Variants in PYGO1 observed in about 807,000 individuals in gnomAD.
PYGO1 encodes pygopus family PHD finger 1.
In PYGO1, 6 loss-of-function variants were observed where a neutral mutation model predicts 29.5. The ratio of observed to expected loss-of-function variants is 0.20; its 90% CI spans 0.11 to 0.40. The LOEUF (loss-of-function observed/expected upper bound fraction) is 0.40, where lower values mean the gene tolerates loss of function less well. Among genes scored for constraint, PYGO1 ranks in the 10% least tolerant of loss-of-function variants. PYGO1 has a pLI of 1.00. For synonymous variants in PYGO1, 186 were observed against 180.5 expected (o/e 1.03, Z -0.24); for missense variants, 515 against 514.9 (o/e 1.00, Z 0.00).
intron 1 of PYGO1, among the ~76,000 whole-genome samples, chr15:55,554,882 C>T (rs960989584): frequency 7.2e-5 from 11 of 152,110 alleles, no homozygotes; most frequent in African/African-American, 1.9e-4. Flanking sequence ...AAATCTACAA[C>T]TCATTGGTTT....
intron 1 of PYGO1, among the ~76,000 whole-genome samples, chr15:55,580,153 T>C (rs1436484406): frequency 1.3e-5 from 2 of 152,204 alleles, no homozygotes; most frequent in Non-Finnish European, 2.9e-5. Context: ...GGCAAACTTT[T>C]AGCCAAAAAA....
chr15:55,581,918 A>T (rs1249195278), intron 1 of PYGO1, among the ~76,000 whole-genome samples: 2 of 152,194 alleles, frequency 1.3e-5, no homozygotes, highest in African/African-American at 4.8e-5. Flanking sequence ...TCAAAACATT[A>T]AGGAGAGGCC....
chr15:55,572,897 G>A (rs965920905), intron 1 of PYGO1, among the ~76,000 whole-genome samples: 4 of 151,930 alleles, frequency 2.6e-5, no homozygotes, highest in Non-Finnish European at 5.9e-5. Flanking sequence ...ATAAAGCCAG[G>A]TGTGGTAGCT....
intron 1 of PYGO1, among the ~76,000 whole-genome samples, chr15:55,552,418 G>T (rs1428270835): frequency 6.7e-6 from 1 of 149,000 alleles, no homozygotes; most frequent in East Asian, 2.0e-4. Context: ...CTCTCAGGGA[G>T]AAGAATGAAA....
Position 55,564,947 on chromosome 15 carries a change from T to C in PYGO1, c.50-15952A>G, listed in dbSNP as rs146175649. Among the ~76,000 whole-genome samples, 7 of 152,320 alleles carry C rather than the reference T, an allele frequency of 4.6e-5. No homozygotes were observed. The East Asian group carries it at 1.2e-3, about 25-fold the overall frequency. On this transcript the variant is annotated intron_variant, in intron 1 of 2. Coordinates refer to ENST00000563719, the MANE Select transcript of PYGO1 (RefSeq NM_001367806.1). Reference sequence around the variant, plus strand: ...TTGTAGGATTAACATCCTACTTTCCTTGCTGGCTGTCAGCTCTTATCTCCT... The same window carrying C: ...TTGTAGGATTAACATCCTACTTTCCCTGCTGGCTGTCAGCTCTTATCTCCT...
intron 1 of PYGO1, among the ~76,000 whole-genome samples, chr15:55,568,668 C>T (rs1211202624): frequency 6.6e-6 from 1 of 151,974 alleles, no homozygotes; most frequent in African/African-American, 2.4e-5. Context: ...TGTCTTGTTC[C>T]AGTTCTCAGG....
At chr15:55,583,057 C>G (rs2059031737) in intron 1 of PYGO1, among the ~76,000 whole-genome samples, 1 of 152,042 alleles carries the variant, frequency 6.6e-6, no homozygotes, top group Non-Finnish European at 1.5e-5. Flanking sequence ...AATAAATGCC[C>G]TTGACTTCCT....
chr15:55,588,965 G>A (rs1240897663), upstream of PYGO1: 34 of 773,972 alleles, frequency 4.4e-5, no homozygotes, highest in Non-Finnish European at 6.1e-5. Flanking sequence ...AAAGAGCGAC[G>A]TAGAATAAAT....
In PYGO1 at chr15:55,546,615, A is replaced by G; in HGVS notation, c.668T>C (p.Ile223Thr). 1 of 1,614,024 alleles carries G rather than the reference A, an allele frequency of 6.2e-7. No individual in the cohort carries two copies. Among genetic ancestry groups the G allele is most frequent in the South Asian group, 1.1e-5 (1 of 91,080 alleles). ...TTGACCAAAAGTGTTTGGGGGAGGA[A>G]TAAAAGAATGATTAGATTCTAACGG... ...TSPLESNHSF[I>T]PPPNTFGQAK... Residue 223 changes from isoleucine to threonine, a missense_variant, in exon 3 of 3, where the codon ATT (isoleucine) becomes ACT (threonine). By Grantham distance (89) the Ile-to-Thr change is moderately conservative (BLOSUM62 -1). Coordinates refer to ENST00000563719, the MANE Select transcript of PYGO1 (RefSeq NM_001367806.1).
intron 1 of PYGO1, among the ~76,000 whole-genome samples, chr15:55,583,432 T>C (rs934463722): frequency 6.6e-6 from 1 of 152,226 alleles, no homozygotes; most frequent in Non-Finnish European, 1.5e-5. Flanking sequence ...ATATTTGCTA[T>C]GTCTTTCTGT....
chr15:55,542,112 A>G lies in PYGO1; in HGVS notation c.*3911T>C, dbSNP rs192606967. 6.6e-6 allele frequency: 1 copy of G among 152,336 alleles called. No individual in the cohort carries two copies. The highest frequency in any genetic ancestry group is 2.4e-5 in the African/African-American group (1 of 41,578). The allele number at this position is 152,336 out of a possible 1,614,324, so 9.4% of individuals were successfully genotyped here. On this transcript the variant is annotated 3_prime_UTR_variant, in exon 3 of 3. Transcript: ENST00000563719. ...CTTGAGAACTCCCTTTTAAAAAATC[A>G]TTGCTTATATATTTTCTTACTATTA...
chr15:55,575,357 A>G (rs1232966999), intron 1 of PYGO1, among the ~76,000 whole-genome samples: 5 of 152,278 alleles, frequency 3.3e-5, no homozygotes, highest in South Asian at 2.1e-4. Context: ...GCAATGTACA[A>G]TTCTCTCCCC....
chr15:55,588,551 G>T (rs1275628887), upstream of PYGO1, among the ~76,000 whole-genome samples: 1 of 146,772 alleles, frequency 6.8e-6, no homozygotes, highest in Non-Finnish European at 1.5e-5. Flanking sequence ...CACGGCCCGC[G>T]CGCGCCTCTT....
At chr15:55,578,438 GT>G (rs2059012980) in intron 1 of PYGO1, among the ~76,000 whole-genome samples, 1 of 152,016 alleles carries the variant, frequency 6.6e-6, no homozygotes, top group African/African-American at 2.4e-5. Context: ...CTGCCAAACT[GT>G]TTTCCACAGT....
chr15:55,582,102 G>C (rs1595995808), intron 1 of PYGO1, among the ~76,000 whole-genome samples: 1 of 151,558 alleles, frequency 6.6e-6, no homozygotes, highest in African/African-American at 2.4e-5. Flanking sequence ...AGCTACTCTG[G>C]AGGCTGAGGC....
At chr15:55,551,025 G>T (rs2058876606) in intron 1 of PYGO1, among the ~76,000 whole-genome samples, 2 of 152,130 alleles carry the variant, frequency 1.3e-5, no homozygotes, top group Non-Finnish European at 1.5e-5. Context: ...TCACAATAGG[G>T]TTCACCCTCC....
At chr15:55,568,722 G>C (rs927782346) in intron 1 of PYGO1, among the ~76,000 whole-genome samples, 5 of 151,976 alleles carry the variant, frequency 3.3e-5, no homozygotes, top group African/African-American at 1.2e-4. Context: ...TGCTGGCTCT[G>C]GGTTTGTCAT....
chr15:55,585,277 A>C (rs940328072), intron 1 of PYGO1, among the ~76,000 whole-genome samples: 7 of 152,250 alleles, frequency 4.6e-5, no homozygotes, highest in Non-Finnish European at 1.0e-4. Context: ...ATACATATAA[A>C]ATAAATACAC....
chr15:55,547,289 C>G (rs2058856859), intron 2 of PYGO1, 142 bp from the exon 3 acceptor site: 3 of 587,260 alleles, frequency 5.1e-6, no homozygotes, highest in Non-Finnish European at 8.0e-6. Flanking sequence ...TTCACTTGAC[C>G]TTTCAATTTT....
Sources: allele counts gnomAD v4.1 joint callset (sites outside exome capture counted in the v4.1 genomes callset), GRCh38; gene constraint gnomAD v4.1.1; transcripts MANE v1.5; gene names NCBI Gene and HGNC (gene_info 2026-07-23, HGNC 2026-07-21).